MKLN1: variants seen among roughly 807,000 people sequenced by gnomAD.
The protein encoded by MKLN1 is muskelin.
MKLN1 carries 18 observed loss-of-function variants against 99.0 expected under a neutral mutation model. The ratio of observed to expected loss-of-function variants is 0.18; its 90% CI spans 0.13 to 0.27. MKLN1 has a LOEUF of 0.27. Ranked by LOEUF, MKLN1 falls within the 10% of genes least tolerant of loss-of-function variation. MKLN1 has a pLI of 1.00. For synonymous variants in MKLN1, 288 were observed against 293.2 expected, an observed-to-expected ratio of 0.98 and a Z score of 0.18; for missense variants, 621 against 875.9, an observed-to-expected ratio of 0.71 and a Z score of 3.67.
chr7:131,361,021 T>G (rs996483464), intron 1 of MKLN1, among the ~76,000 whole-genome samples: 4 of 152,104 alleles, frequency 2.6e-5, no homozygotes, highest in African/African-American at 9.6e-5. Context: ...CCAATGTAAT[T>G]CTTCTCCTTG....
At chr7:131,181,660 A>AT (rs3078424) in intron 2 of MKLN1, among the ~76,000 whole-genome samples, 1,854 of 135,934 alleles carry the variant, frequency 0.014, 20 homozygotes, top group African/African-American at 0.031. Flanking sequence ...CCTCATCCCT[A>AT]TTTTTTTTTT....
intron 12 of MKLN1, among the ~76,000 whole-genome samples, chr7:131,461,507 G>A (rs1442200858): frequency 6.6e-6 from 1 of 151,908 alleles, no homozygotes; most frequent in Non-Finnish European, 1.5e-5. Context: ...AATGCATTTG[G>A]ATAGTCTTTA....
intron 3 of MKLN1, among the ~76,000 whole-genome samples, chr7:131,388,301 G>A (rs182732902): frequency 6.6e-6 from 1 of 152,292 alleles, no homozygotes; most frequent in Admixed American, 6.5e-5. Flanking sequence ...GCAACCTGAG[G>A]GTGAGTGACT....
chr7:131,486,564 A>G (rs2116707963), intron 17 of MKLN1, among the ~76,000 whole-genome samples: 1 of 152,162 alleles, frequency 6.6e-6, no homozygotes, highest in East Asian at 1.9e-4. Context: ...CTAAAATGGT[A>G]CTCTAAGTTG....
chr7:131,370,959 T>C (rs188860954), intron 1 of MKLN1, among the ~76,000 whole-genome samples: 1 of 152,308 alleles, frequency 6.6e-6, no homozygotes, highest in East Asian at 1.9e-4. Context: ...TTCAAGCTTC[T>C]ATCTTTCCAA....
At chr7:131,226,879 A>T (rs1797155723) in intron 3 of MKLN1, among the ~76,000 whole-genome samples, 1 of 151,770 alleles carries the variant, frequency 6.6e-6, no homozygotes, top group Non-Finnish European at 1.5e-5. Context: ...AAGAATATTG[A>T]TTTTCTATAT....
intron 3 of MKLN1, among the ~76,000 whole-genome samples, chr7:131,313,596 A>G (rs751005600): frequency 1.2e-4 from 18 of 152,374 alleles, no homozygotes; most frequent in South Asian, 6.2e-4. Context: ...ATCTCAAAGT[A>G]CAAGGAGAAA....
intron 2 of MKLN1, among the ~76,000 whole-genome samples, chr7:131,192,075 A>ATATG (rs1796552706): frequency 1.0e-5 from 1 of 100,380 alleles, no homozygotes; most frequent in African/African-American, 4.3e-5. Flanking sequence ...TATTATATAT[A>ATATG]TACATATATA....
intron 3 of MKLN1, among the ~76,000 whole-genome samples, chr7:131,266,551 G>C (rs796658178): frequency 1.6e-4 from 25 of 152,196 alleles, no homozygotes; most frequent in African/African-American, 5.8e-4. Flanking sequence ...TGAGAGAAGA[G>C]GTTGGGAAGC....
chr7:131,263,381 T>G (rs985522735), intron 3 of MKLN1, among the ~76,000 whole-genome samples: 1 of 78,908 alleles, frequency 1.3e-5, no homozygotes, highest in Non-Finnish European at 3.3e-5. Context: ...TAAAATTAGC[T>G]GGGTGTGGTG....
Position 131,351,599 on chromosome 7 carries a change from C to G in MKLN1, c.98+23602C>G, listed in dbSNP as rs374977708. On this transcript the variant is annotated intron_variant, in intron 1 of 17. Transcript: ENST00000352689. ...ACCTCAGCCTCCCAAGTAACTGGAACTACAGGTGTGTGCCACCATGCCTGG... is the reference window on the plus strand; with the variant it reads ...ACCTCAGCCTCCCAAGTAACTGGAAGTACAGGTGTGTGCCACCATGCCTGG... Among the ~76,000 whole-genome samples, 7 of 152,158 alleles carry G rather than the reference C, an allele frequency of 4.6e-5. No homozygotes were observed. In the East Asian group the frequency reaches 1.2e-3, roughly 25 times the overall value.
intron 2 of MKLN1, among the ~76,000 whole-genome samples, chr7:131,157,877 G>A (rs770091235): frequency 5.9e-5 from 9 of 152,128 alleles, no homozygotes; most frequent in East Asian, 1.9e-4. Context: ...GTCTAGTCTC[G>A]TATTTGGCAT....
intron 2 of MKLN1, among the ~76,000 whole-genome samples, chr7:131,164,840 G>T (rs750418857): frequency 6.6e-6 from 1 of 152,190 alleles, no homozygotes; most frequent in Admixed American, 6.5e-5. Context: ...GAACAAATTG[G>T]CAACAAGGCC....
intron 3 of MKLN1, among the ~76,000 whole-genome samples, chr7:131,295,662 T>C (rs1563282474): frequency 1.3e-5 from 2 of 152,100 alleles, no homozygotes; most frequent in Non-Finnish European, 2.9e-5. Flanking sequence ...GGTGGGAAGA[T>C]CACTTGAGCT....
At chr7:131,274,774 C>T (rs1291193380) in intron 3 of MKLN1, among the ~76,000 whole-genome samples, 3 of 152,146 alleles carry the variant, frequency 2.0e-5, no homozygotes, top group South Asian at 2.1e-4. Flanking sequence ...ACACTCACTA[C>T]GAGAACTTAG....
At chr7:131,140,118 C>T (rs2398758) in intron 1 of MKLN1, among the ~76,000 whole-genome samples, 70,793 of 152,068 alleles carry the variant, frequency 0.47, 17,655 homozygotes, top group Non-Finnish European at 0.55. Flanking sequence ...GCTGCCTCCC[C>T]GGACCCTGCT....
At chr7:131,307,086 C>T (rs755036617) in intron 3 of MKLN1, among the ~76,000 whole-genome samples, 6 of 151,950 alleles carry the variant, frequency 3.9e-5, no homozygotes, top group Non-Finnish European at 8.8e-5. Flanking sequence ...AACTACAGCT[C>T]CAGTTGTGGC....
At chr7:131,255,421 A>G (rs1797643638) in intron 3 of MKLN1, among the ~76,000 whole-genome samples, 1 of 152,226 alleles carries the variant, frequency 6.6e-6, no homozygotes, top group South Asian at 2.1e-4. Flanking sequence ...AAAAAACCAA[A>G]CATACAATGT....
chr7:131,392,968 C>T (rs768693749), intron 4 of MKLN1, among the ~76,000 whole-genome samples: 1 of 151,634 alleles, frequency 6.6e-6, no homozygotes, highest in Admixed American at 6.6e-5. Flanking sequence ...ACAATTAGAG[C>T]TCAGTGCAAC....
Sources: allele counts gnomAD v4.1 joint callset (sites outside exome capture counted in the v4.1 genomes callset), GRCh38; gene constraint gnomAD v4.1.1; transcripts MANE v1.5; gene names NCBI Gene and HGNC (gene_info 2026-07-23, HGNC 2026-07-21).